GMFB: variants seen among roughly 807,000 people sequenced by gnomAD.
GMFB encodes the protein glia maturation factor beta.
A neutral mutation model predicts 25.6 loss-of-function variants in GMFB; 13 were observed. The ratio of observed to expected loss-of-function variants is 0.51; its 90% confidence interval spans 0.33 to 0.81. The LOEUF is 0.81. GMFB is among the 30% of genes least tolerant of loss of function. The pLI is 0.02. For synonymous variants in GMFB, 57 were observed against 56.9 expected (o/e 1.00, Z 0.00); for missense variants, 146 against 175.4 (o/e 0.83, Z 0.95).
chr14:54,480,811 CTAGTATAAAA>C, intron 5 of GMFB, 53 bp downstream of exon 5: 1 of 786,108 alleles, frequency 1.3e-6, no homozygotes, highest in Non-Finnish European at 2.2e-6. Flanking sequence ...GAAAATTTGT[CTAGTATAAAA>C]TGGCTTAATT....
At chr14:54,482,232 G>T (rs757034516) in intron 2 of GMFB, 30 bp from the exon 3 acceptor site, 2 of 1,507,368 alleles carry the variant, frequency 1.3e-6, no homozygotes, top group South Asian at 1.1e-5. Flanking sequence ...TGAGTAAGCT[G>T]GGATTCTAAT....
intron 3 of GMFB, among the ~76,000 whole-genome samples, chr14:54,481,663 C>A (rs1043565410): frequency 6.6e-6 from 1 of 152,094 alleles, no homozygotes; most frequent in African/African-American, 2.4e-5. Flanking sequence ...TGGTTTCATT[C>A]CATTTATTAA....
chr14:54,482,251 G>A (rs1258546038), intron 2 of GMFB, 49 bp from the exon 3 acceptor site: 1 of 1,191,600 alleles, frequency 8.4e-7, no homozygotes, highest in Non-Finnish European at 1.3e-6. Flanking sequence ...ATGTGACCCT[G>A]ATCTGCCCAA....
At chr14:54,483,055 AC>A (rs2031734152) in intron 2 of GMFB, 1 of 151,944 alleles carries the variant, frequency 6.6e-6, no homozygotes, top group Non-Finnish European at 1.5e-5. Context: ...TTACATTTTC[AC>A]CCCCTCATCC....
chr14:54,488,552 A>G, intron 1 of GMFB: 1 of 230,826 alleles, frequency 4.3e-6, no homozygotes, highest in Non-Finnish European at 8.4e-6. Flanking sequence ...CTGGCAGGGA[A>G]AGCAGGAATT....
At chr14:54,488,768 A>G in intron 1 of GMFB, 157 bp downstream of exon 1, 1 of 566,452 alleles carries the variant, frequency 1.8e-6, no homozygotes. Flanking sequence ...GCAGAGGCCA[A>G]GTACTCTAGC....
At chr14:54,487,440 C>A (rs1227279274) in intron 1 of GMFB, among the ~76,000 whole-genome samples, 2 of 152,176 alleles carry the variant, frequency 1.3e-5, no homozygotes, top group African/African-American at 4.8e-5. Context: ...GAGGCTGAGG[C>A]GGGAGAACGA....
rs2031645798 is a variant in GMFB at position 54,476,757 on chromosome 14, G to A, written c.*1331C>T. The stretch of plus-strand genomic sequence containing the variant: ...AAAATTTAAATTTTGCTAGTTTTGA[G>A]ATGACTAAGATATTCTTAATATAAG... On this transcript the variant is annotated 3_prime_UTR_variant, in exon 7 of 7. Coordinates refer to ENST00000358056, the MANE Select transcript of GMFB (RefSeq NM_004124.3). 1 of 152,040 alleles carries A rather than the reference G, an allele frequency of 6.6e-6. No homozygotes were observed. Among genetic ancestry groups the A allele is most frequent in the South Asian group, 2.1e-4 (1 of 4,828 alleles). The allele number at this position is 152,040 out of a possible 1,614,324, so 9.4% of individuals were successfully genotyped here. A position where few individuals can be genotyped will look rare whatever the true frequency, so the allele number is the denominator to read the frequency against.
intron 2 of GMFB, among the ~76,000 whole-genome samples, chr14:54,482,903 A>AT (rs142253965): frequency 1.1e-4 from 16 of 150,292 alleles, no homozygotes; most frequent in South Asian, 1.1e-3. Context: ...TTTCACTTTT[A>AT]TTTTTTTTTC....
intron 3 of GMFB, 31 bp downstream of exon 3, chr14:54,482,122 T>A: frequency 1.5e-6 from 2 of 1,365,436 alleles, no homozygotes; most frequent in Non-Finnish European, 1.0e-6. Context: ...ATTACTTAAC[T>A]ATAAAATTGT....
Position 54,478,162 on chromosome 14 carries a change from T to TAA in GMFB, c.358-4_358-3insTT. 3.2e-5 allele frequency: 39 copies of TAA among 1,218,574 alleles called. No individual in the cohort carries two copies. Among genetic ancestry groups the TAA allele is most frequent in the South Asian group, 1.1e-4 (6 of 54,860 alleles). The allele number at this position is 1,218,574 out of a possible 1,614,324, so 75.5% of individuals were successfully genotyped here. A position where few individuals can be genotyped will look rare whatever the true frequency, so the allele number is the denominator to read the frequency against. On this transcript the variant is annotated splice_polypyrimidine_tract_variant and splice_region_variant and intron_variant, in intron 6 of 6. Coordinates refer to ENST00000358056, the MANE Select transcript of GMFB (RefSeq NM_004124.3). ...TCGGTATTTCTTATTTCAAATACCTTTAAAAAAAAAAAAAACTTGGGTCAT... is the reference window on the plus strand; with the variant it reads ...TCGGTATTTCTTATTTCAAATACCTTAATAAAAAAAAAAAAAACTTGGGTCAT...
chr14:54,484,063 G>A, intron 1 of GMFB: 1 of 442,068 alleles, frequency 2.3e-6, no homozygotes. Flanking sequence ...CATCAGAACT[G>A]GAGAGGAAGG....
At position 54,476,823 on chromosome 14, in the gene GMFB, A is replaced by G. The variant is rs2031646549; in HGVS notation, c.*1265T>C. On this transcript the variant is annotated 3_prime_UTR_variant, in exon 7 of 7. Transcript: ENST00000358056. ...TTTGGTTAGTTTTTAGAGTCTCTAG[A>G]CCTATTATCAAATTAATGTTCAATG... The G allele has an allele frequency of 6.6e-6, 1 of 151,996 alleles. No individual in the cohort carries two copies. Among genetic ancestry groups the G allele is most frequent in the South Asian group, 2.1e-4 (1 of 4,832 alleles). The allele number at this position is 151,996 out of a possible 1,614,324, so 9.4% of individuals were successfully genotyped here.
At chr14:54,482,111 A>G (rs774288142) in intron 3 of GMFB, 42 bp downstream of exon 3, 48 of 1,243,890 alleles carry the variant, frequency 3.9e-5, no homozygotes, top group Non-Finnish European at 5.2e-5. Flanking sequence ...GAGAAATAAT[A>G]ATTACTTAAC....
rs906100253 is a variant in GMFB at position 54,474,828 on chromosome 14, T to C, written c.*3260A>G. The C allele has an allele frequency of 1.6e-4, 25 of 152,682 alleles. No individual in the cohort carries two copies. The highest frequency in any genetic ancestry group is 5.5e-4 in the African/African-American group (23 of 41,480). 9.5% of individuals were successfully genotyped at this position (152,682 alleles called of 1,614,324 possible). A position where few individuals can be genotyped will look rare whatever the true frequency, so the allele number is the denominator to read the frequency against. On this transcript the variant is annotated 3_prime_UTR_variant, in exon 7 of 7. Transcript: ENST00000358056. ...ATTTCTATCACAAGTTTACTGTATA[T>C]GAGCACTGATTTGAAATGTCAAATG...
rs2031651113 is a variant in GMFB, at chr14:54,477,156, T to C, written c.*932A>G. The C allele has an allele frequency of 6.6e-6, 1 of 152,472 alleles. No homozygotes were observed. The highest frequency in any genetic ancestry group is 2.4e-5 in the African/African-American group (1 of 41,444). 9.4% of individuals were successfully genotyped at this position (152,472 alleles called of 1,614,324 possible). A position where few individuals can be genotyped will look rare whatever the true frequency, so the allele number is the denominator to read the frequency against. On this transcript the variant is annotated 3_prime_UTR_variant, in exon 7 of 7. Coordinates refer to ENST00000358056, the MANE Select transcript of GMFB (RefSeq NM_004124.3). ...AGTTGGAATTTTTAAAATATGAAGT[T>C]GATTTTATTACAAATTTCAGATATA...
At chr14:54,481,323 T>C (rs528502734) in intron 4 of GMFB, 86 bp downstream of exon 4, 2 of 865,480 alleles carry the variant, frequency 2.3e-6, no homozygotes, top group East Asian at 5.0e-5. Context: ...CACAGAAGGA[T>C]ACTTTTAGAT....
intron 1 of GMFB, 29 bp downstream of exon 1, chr14:54,488,896 C>T (rs1293174460): frequency 3.9e-6 from 6 of 1,553,362 alleles, no homozygotes; most frequent in Admixed American, 1.9e-5. Flanking sequence ...CCCAGCCCTC[C>T]GGCCCCCGCC....
intron 4 of GMFB, 22 bp downstream of exon 4, chr14:54,481,387 T>C: frequency 6.6e-7 from 1 of 1,526,064 alleles, no homozygotes; most frequent in Non-Finnish European, 9.1e-7. Flanking sequence ...ATAAATCTTT[T>C]AAAGCACTAA....
Sources: gnomAD v4.1 joint callset for allele counts (sites outside exome capture counted in the v4.1 genomes callset) on GRCh38, gnomAD v4.1.1 for gene constraint, MANE v1.5 for transcripts, NCBI Gene and HGNC (gene_info 2026-07-23, HGNC 2026-07-21) for gene names.